Variants in TOMM70 observed in about 807,000 individuals in gnomAD.
TOMM70 encodes the protein mitochondrial import receptor subunit TOM70.
In TOMM70, 13 loss-of-function variants were observed where a neutral mutation model predicts 73.6. The ratio of observed to expected loss-of-function variants is 0.18; its 90% CI spans 0.11 to 0.28. The LOEUF (loss-of-function observed/expected upper bound fraction) is 0.28. Ranked by LOEUF, TOMM70 falls within the 10% of genes least tolerant of loss-of-function variation. The pLI, the probability that TOMM70 is intolerant of heterozygous loss-of-function variation, is 1.00. For synonymous variants in TOMM70, 257 were observed against 271.2 expected, an observed-to-expected ratio of 0.95 and a Z score of 0.51; for missense variants, 609 against 747.5, an observed-to-expected ratio of 0.81 and a Z score of 2.16.
chr3:100,366,711 T>C (rs1203997488), intron 11 of TOMM70, among the ~76,000 whole-genome samples: 1 of 152,242 alleles, frequency 6.6e-6, no homozygotes, highest in Non-Finnish European at 1.5e-5. Flanking sequence ...ATGGATTTTT[T>C]CAAAGTTCAA....
At chr3:100,387,601 C>A (rs1319479448) in intron 1 of TOMM70, among the ~76,000 whole-genome samples, 2 of 107,978 alleles carry the variant, frequency 1.9e-5, no homozygotes, top group Non-Finnish European at 3.7e-5. Flanking sequence ...CAGACACAGA[C>A]ACACACACAC....
chr3:100,377,630 A>T, intron 6 of TOMM70, 75 bp downstream of exon 6: 2 of 1,464,882 alleles, frequency 1.4e-6, no homozygotes, highest in East Asian at 2.3e-5. Context: ...GAAATGCTTT[A>T]AAAAATCTGG....
chr3:100,368,264 T>C (rs1706468265), intron 10 of TOMM70, 98 bp from the exon 11 acceptor site: 4 of 1,390,170 alleles, frequency 2.9e-6, no homozygotes, highest in Non-Finnish European at 3.9e-6. Context: ...AATGAACTTA[T>C]AAGTTAACTT....
chr3:100,372,460 C>A, intron 9 of TOMM70, 146 bp downstream of exon 9: 1 of 604,864 alleles, frequency 1.7e-6, no homozygotes, highest in Non-Finnish European at 2.9e-6. Context: ...TGATTCGGGA[C>A]CAACCAGGGG....
chr3:100,383,238 G>A (rs186315355), intron 4 of TOMM70, among the ~76,000 whole-genome samples: 1 of 152,144 alleles, frequency 6.6e-6, no homozygotes, highest in East Asian at 1.9e-4. Context: ...TAAAGAGAAT[G>A]GGGCCAGGCA....
chr3:100,390,655 C>T (rs1706749054), intron 1 of TOMM70, among the ~76,000 whole-genome samples: 1 of 152,130 alleles, frequency 6.6e-6, no homozygotes, highest in African/African-American at 2.4e-5. Flanking sequence ...GGTGAAACCC[C>T]ATGTCCACTA....
intron 9 of TOMM70, among the ~76,000 whole-genome samples, chr3:100,369,837 A>G (rs1269546104): frequency 1.3e-5 from 2 of 152,192 alleles, no homozygotes; most frequent in East Asian, 1.9e-4. Flanking sequence ...ATTTGGAAGT[A>G]TAAGTTAAGA....
At chr3:100,371,311 C>T (rs1393589199) in intron 9 of TOMM70, among the ~76,000 whole-genome samples, 1 of 130,420 alleles carries the variant, frequency 7.7e-6, no homozygotes, top group African/African-American at 3.0e-5. Context: ...CTTGCCCAGG[C>T]TGGAGTGTGG....
intron 6 of TOMM70, chr3:100,377,475 G>A (rs564176536): frequency 4.3e-5 from 20 of 470,432 alleles, no homozygotes; most frequent in South Asian, 1.7e-4. Context: ...TGAAACTACC[G>A]GATGCTATAG....
At chr3:100,379,674 T>G (rs1411804113) in intron 5 of TOMM70, among the ~76,000 whole-genome samples, 1 of 152,200 alleles carries the variant, frequency 6.6e-6, no homozygotes, top group African/African-American at 2.4e-5. Flanking sequence ...TGGAGTGCAG[T>G]GGCATGATCT....
In TOMM70 at chr3:100,365,252, A is replaced by T. The variant is rs201468460; in HGVS notation, c.*312T>A. 6.2e-6 allele frequency: 1 copy of T among 160,438 alleles called. No homozygotes were observed. Among genetic ancestry groups the T allele is most frequent in the East Asian group, 3.6e-4 (1 of 2,772 alleles). 9.9% of individuals were successfully genotyped at this position (160,438 alleles called of 1,614,324 possible). On this transcript the variant is annotated 3_prime_UTR_variant, in exon 12 of 12. Coordinates refer to ENST00000284320, the MANE Select transcript of TOMM70 (RefSeq NM_014820.5). ...ACATAATCAACTGCCAACCCCCCTT[A>T]AAAAAAAAATCAACAAATCAGTTTT... is the stretch of plus-strand genomic sequence containing the variant.
At chr3:100,390,531 T>C (rs961363281) in intron 1 of TOMM70, among the ~76,000 whole-genome samples, 1 of 152,110 alleles carries the variant, frequency 6.6e-6, no homozygotes, top group African/African-American at 2.4e-5. Context: ...TGTATAAAAG[T>C]ATAGCATATA....
intron 3 of TOMM70, 46 bp downstream of exon 3, chr3:100,386,172 C>T: frequency 6.3e-7 from 1 of 1,577,792 alleles, no homozygotes; most frequent in Non-Finnish European, 8.6e-7. Context: ...CCAATGACTA[C>T]AAAATATTAA....
In TOMM70 at chr3:100,365,598, G is replaced by C; in HGVS notation, c.1793C>G (p.Ala598Gly). 1.9e-6 allele frequency: 3 copies of C among 1,614,170 alleles called. No individual in the cohort carries two copies. The highest frequency in any genetic ancestry group is 1.7e-6 in the Non-Finnish European group (2 of 1,180,016). ...CDAAHAQTEV[A>G]KKYGLKPPTL ...TGGTGGTTTTAATCCGTATTTCTTT[G>C]CAACTTCTGTCTGGGCATGGGCGGC... is the stretch of plus-strand genomic sequence containing the variant. The change falls in exon 12 of 12, where the codon GCA becomes GGA. Residue 598 changes from alanine (A) to glycine (G), a missense_variant. Ala to Gly is a moderately conservative substitution (Grantham distance 60). Around this residue, in one of 2 missense-constraint regions of TOMM70, gnomAD observed 432 missense variants for 584.1 expected, o/e 0.74. Coordinates refer to ENST00000284320, the MANE Select transcript of TOMM70 (RefSeq NM_014820.5).
chr3:100,377,030 A>G (rs1303155689), intron 6 of TOMM70, among the ~76,000 whole-genome samples: 1 of 144,744 alleles, frequency 6.9e-6, no homozygotes, highest in Admixed American at 7.0e-5. Flanking sequence ...CAACTTTTAT[A>G]TCCCCCCCAA....
At chr3:100,391,461 T>C (rs914635408) in intron 1 of TOMM70, among the ~76,000 whole-genome samples, 1 of 152,172 alleles carries the variant, frequency 6.6e-6, no homozygotes. Flanking sequence ...AGGCCTAGGC[T>C]AATGTATCTG....
At position 100,384,515 on chromosome 3, in the gene TOMM70, T is replaced by G; in HGVS notation, c.699A>C (p.Lys233Asn). Residue 233 changes from lysine to asparagine, a missense_variant, in exon 4 of 12, where the codon AAA (lysine) becomes AAC (asparagine). This residue lies in a region of TOMM70 where 432 missense variants were observed against 584.1 expected (regional missense o/e 0.74). Coordinates refer to ENST00000284320, the MANE Select transcript of TOMM70 (RefSeq NM_014820.5). The stretch of plus-strand genomic sequence containing the variant: ...CTTTGGCTTTCTCTTTTCCAAGGAG[T>G]TTAAGAACTTTATCGGCTAACAGCA... ...QSMLLADKVLKLLGKEKAKEK... is the reference protein window; with the variant it reads ...QSMLLADKVLNLLGKEKAKEK... The G allele has an allele frequency of 6.2e-7, 1 of 1,611,302 alleles. No individual in the cohort carries two copies. Among genetic ancestry groups the G allele is most frequent in the Non-Finnish European group, 8.5e-7 (1 of 1,179,018 alleles).
chr3:100,395,365 T>C (rs1055864979), intron 1 of TOMM70, among the ~76,000 whole-genome samples: 1 of 147,478 alleles, frequency 6.8e-6, no homozygotes, highest in African/African-American at 2.5e-5. Context: ...TGAGACTCCA[T>C]CTCAAAAAAC....
Position 100,378,113 on chromosome 3 carries a change from G to A in TOMM70, c.885-201C>T, listed in dbSNP as rs551702443. ...ACAAAAATTAGCCGGGCGTGGAGGC[G>A]CATGCCTGTATCCCAGATACTTAGG... On this transcript the variant is annotated intron_variant, in intron 5 of 11. Coordinates refer to ENST00000284320, the MANE Select transcript of TOMM70 (RefSeq NM_014820.5). Among the ~76,000 whole-genome samples, 55 of 152,032 alleles carry A rather than the reference G, an allele frequency of 3.6e-4. No homozygotes were observed. In the South Asian group the frequency reaches 8.9e-3, roughly 25 times the overall value.
Sources: gnomAD v4.1 joint callset for allele counts (sites outside exome capture counted in the v4.1 genomes callset) on GRCh38, gnomAD v4.1.1 for gene constraint, gnomAD v4.1.1 regional missense constraint, MANE v1.5 for transcripts, NCBI Gene and HGNC (gene_info 2026-07-23, HGNC 2026-07-21) for gene names.